Variants in SERGEF observed in about 807,000 individuals in gnomAD.
The protein encoded by SERGEF is secretion-regulating guanine nucleotide exchange factor.
A neutral mutation model predicts 50.0 loss-of-function variants in SERGEF; 51 were observed. The observed-to-expected ratio is 1.02, with a 90% CI of 0.81 to 1.29. The LOEUF (loss-of-function observed/expected upper bound fraction) is 1.29, where lower values mean the gene tolerates loss of function less well. Ranked by LOEUF, SERGEF falls within the 50% of genes most tolerant of loss-of-function variation. The probability of loss-of-function intolerance (pLI) is 0.00; values close to 1 mark genes in which losing one functional copy is unlikely to be tolerated. For missense variants in SERGEF, 521 were observed against 557.0 expected (o/e 0.94, Z 0.65); for synonymous variants, 205 against 212.4 (o/e 0.97, Z 0.30).
intron 9 of SERGEF, among the ~76,000 whole-genome samples, chr11:17,895,987 C>T (rs1851613345): frequency 6.6e-6 from 1 of 152,132 alleles, no homozygotes; most frequent in Non-Finnish European, 1.5e-5. Flanking sequence ...CACTATTTCT[C>T]TTCTATGGGG....
At chr11:17,996,749 A>G (rs1477831823) in intron 5 of SERGEF, among the ~76,000 whole-genome samples, 1 of 152,354 alleles carries the variant, frequency 6.6e-6, no homozygotes, top group East Asian at 1.9e-4. Flanking sequence ...ACCACTGAGC[A>G]CAATGTGAGC....
intron 10 of SERGEF, among the ~76,000 whole-genome samples, chr11:17,798,794 G>A (rs143453882): frequency 6.6e-5 from 10 of 152,318 alleles, no homozygotes; most frequent in African/African-American, 9.6e-5. Context: ...CACATATGGC[G>A]TTATGGGCTT....
intron 9 of SERGEF, among the ~76,000 whole-genome samples, chr11:17,951,991 C>A (rs1215285173): frequency 6.6e-6 from 1 of 152,162 alleles, no homozygotes; most frequent in African/African-American, 2.4e-5. Context: ...ATCACTCCAG[C>A]AGATAATTTT....
intron 9 of SERGEF, among the ~76,000 whole-genome samples, chr11:17,935,739 G>C (rs1042128115): frequency 1.8e-4 from 27 of 152,212 alleles, no homozygotes; most frequent in African/African-American, 5.8e-4. Context: ...TGTATGCCAG[G>C]CAGTGACTGA....
At chr11:17,851,464 G>A (rs905014777) in intron 10 of SERGEF, among the ~76,000 whole-genome samples, 1 of 152,094 alleles carries the variant, frequency 6.6e-6, no homozygotes, top group Non-Finnish European at 1.5e-5. Flanking sequence ...AGACACATGA[G>A]TACAAGGATG....
intron 9 of SERGEF, among the ~76,000 whole-genome samples, chr11:17,957,735 T>TG (rs1187802561): frequency 3.8e-5 from 5 of 130,958 alleles, no homozygotes; most frequent in Non-Finnish European, 6.8e-5. Flanking sequence ...TCACTAGTGG[T>TG]GGGAAAAAAA....
intron 9 of SERGEF, among the ~76,000 whole-genome samples, chr11:17,883,567 T>A (rs966693388): frequency 7.2e-5 from 11 of 152,226 alleles, no homozygotes; most frequent in African/African-American, 2.7e-4. Context: ...CAAGGTAACT[T>A]GTGCAGTGTT....
intron 9 of SERGEF, among the ~76,000 whole-genome samples, chr11:17,953,230 C>T (rs1852804015): frequency 6.6e-6 from 1 of 152,164 alleles, no homozygotes. Flanking sequence ...GGGAACTTAG[C>T]CCTGCTACTA....
chr11:17,943,958 G>C (rs1852607004), intron 9 of SERGEF, among the ~76,000 whole-genome samples: 1 of 151,996 alleles, frequency 6.6e-6, no homozygotes, highest in Non-Finnish European at 1.5e-5. Context: ...GACAGAGTCT[G>C]GCTCTGTTGC....
intron 9 of SERGEF, among the ~76,000 whole-genome samples, chr11:17,892,950 A>C (rs761087837): frequency 1.3e-5 from 2 of 152,222 alleles, no homozygotes; most frequent in African/African-American, 4.8e-5. Context: ...GTCTGTGTTC[A>C]CACATGATTA....
At chr11:17,790,880 C>T (rs1849473928) in intron 10 of SERGEF, among the ~76,000 whole-genome samples, 1 of 152,210 alleles carries the variant, frequency 6.6e-6, no homozygotes, top group Non-Finnish European at 1.5e-5. Flanking sequence ...GTAGCGCTTT[C>T]TGTTGATTAC....
intron 9 of SERGEF, among the ~76,000 whole-genome samples, chr11:17,905,856 C>T (rs1418753511): frequency 2.6e-5 from 4 of 152,068 alleles, no homozygotes; most frequent in African/African-American, 9.7e-5. Context: ...AAATAAGGAG[C>T]TTGGATGAGC....
At chr11:17,981,064 C>A (rs1432666848) in intron 8 of SERGEF, among the ~76,000 whole-genome samples, 2 of 152,206 alleles carry the variant, frequency 1.3e-5, no homozygotes, top group Non-Finnish European at 2.9e-5. Flanking sequence ...TCACACCCTT[C>A]CCTGACCAAC....
chr11:17,832,341 T>A (rs949963279), intron 10 of SERGEF, among the ~76,000 whole-genome samples: 7 of 152,200 alleles, frequency 4.6e-5, no homozygotes, highest in Non-Finnish European at 7.4e-5. Context: ...ACCATGCACA[T>A]AACATGTGAG....
chr11:17,890,026 C>CAAAAAA (rs59805347), intron 9 of SERGEF, among the ~76,000 whole-genome samples: 9 of 73,930 alleles, frequency 1.2e-4, no homozygotes, highest in Admixed American at 1.7e-4. Context: ...ACACTTCAAC[C>CAAAAAA]AAAAAAAAAA....
intron 10 of SERGEF, among the ~76,000 whole-genome samples, chr11:17,831,312 C>A (rs946074289): frequency 3.3e-5 from 5 of 152,208 alleles, no homozygotes; most frequent in Admixed American, 1.3e-4. Context: ...CAGTCCAGCA[C>A]TCTCCTTCAG....
At chr11:17,828,470 C>A (rs753334469) in intron 10 of SERGEF, among the ~76,000 whole-genome samples, 13 of 152,212 alleles carry the variant, frequency 8.5e-5, no homozygotes, top group Non-Finnish European at 1.2e-4. Flanking sequence ...ACACAGCGCA[C>A]GGCTGTCGCC....
intron 10 of SERGEF, among the ~76,000 whole-genome samples, chr11:17,840,007 C>T (rs757054039): frequency 3.3e-5 from 5 of 152,216 alleles, no homozygotes; most frequent in African/African-American, 7.2e-5. Flanking sequence ...AGCCAAGAAT[C>T]AGAGAATCTT....
chr11:17,848,453 G>T (rs550571463), intron 10 of SERGEF, among the ~76,000 whole-genome samples: 1 of 152,350 alleles, frequency 6.6e-6, no homozygotes, highest in Non-Finnish European at 1.5e-5. Flanking sequence ...AGTAAATAGT[G>T]GTGGCACAAA....
Sources: allele counts gnomAD v4.1 joint callset (sites outside exome capture counted in the v4.1 genomes callset), GRCh38; gene constraint gnomAD v4.1.1; transcripts MANE v1.5; gene names NCBI Gene and HGNC (gene_info 2026-07-23, HGNC 2026-07-21).